Variants in PTPRT observed in about 807,000 individuals in gnomAD.
PTPRT encodes protein tyrosine phosphatase receptor type T, also known as receptor-type tyrosine-protein phosphatase T.
Under a neutral mutation model 176.8 loss-of-function variants are expected in PTPRT, and 56 were observed. That is an observed-to-expected ratio of 0.32 (90% confidence interval 0.26 to 0.40). PTPRT has a LOEUF of 0.40. PTPRT is among the 10% of genes least tolerant of loss of function. The probability of loss-of-function intolerance (pLI) is 1.00; values close to 1 mark genes in which losing one functional copy is unlikely to be tolerated. For missense variants in PTPRT, 1,540 were observed against 1,908.2 expected (o/e 0.81, Z 3.60); for synonymous variants, 783 against 739.0 (o/e 1.06, Z -0.96).
At chr20:42,147,975 T>C (rs569410848) in intron 17 of PTPRT, among the ~76,000 whole-genome samples, 69 of 152,284 alleles carry the variant, frequency 4.5e-4, no homozygotes, top group African/African-American at 1.6e-3. Flanking sequence ...GGGAAAAGTA[T>C]GAAAGAGAGA....
chr20:42,968,922 G>A (rs1475345699), intron 1 of PTPRT: 2 of 152,250 alleles, frequency 1.3e-5, no homozygotes, highest in African/African-American at 4.8e-5. Flanking sequence ...GGCACTTAGA[G>A]AGAAATGAGT....
At chr20:42,315,493 T>G (rs1277625816) in intron 12 of PTPRT, among the ~76,000 whole-genome samples, 1 of 152,162 alleles carries the variant, frequency 6.6e-6, no homozygotes, top group Non-Finnish European at 1.5e-5. Context: ...GAGCATATAG[T>G]CTCTGTTACA....
chr20:43,065,595 A>G (rs1568763002), intron 1 of PTPRT, among the ~76,000 whole-genome samples: 1 of 152,238 alleles, frequency 6.6e-6, no homozygotes, highest in Admixed American at 6.5e-5. Context: ...TAGGAAAATG[A>G]AATTTCCCAG....
At chr20:42,976,905 CTG>C (rs1982989328) in intron 1 of PTPRT, among the ~76,000 whole-genome samples, 1 of 152,162 alleles carries the variant, frequency 6.6e-6, no homozygotes, top group African/African-American at 2.4e-5. Flanking sequence ...TTTTAGAAAA[CTG>C]TCAAACTGAC....
chr20:42,348,785 T>C (rs1370246890), intron 11 of PTPRT, among the ~76,000 whole-genome samples: 1 of 152,174 alleles, frequency 6.6e-6, no homozygotes, highest in Admixed American at 6.5e-5. Context: ...TAGGCCTGCT[T>C]GATTTTTGAG....
At chr20:42,997,816 T>G (rs545228064) in intron 1 of PTPRT, among the ~76,000 whole-genome samples, 1 of 152,172 alleles carries the variant, frequency 6.6e-6, no homozygotes, top group Non-Finnish European at 1.5e-5. Flanking sequence ...ATAAAGGTCA[T>G]GACCAGGATT....
intron 1 of PTPRT, among the ~76,000 whole-genome samples, chr20:42,906,103 G>T (rs2079474434): frequency 6.6e-6 from 1 of 152,068 alleles, no homozygotes; most frequent in Non-Finnish European, 1.5e-5. Flanking sequence ...CGAGACCACA[G>T]CAGGCAGAAA....
intron 17 of PTPRT, among the ~76,000 whole-genome samples, chr20:42,160,876 C>A (rs993190129): frequency 2.0e-5 from 3 of 152,056 alleles, no homozygotes; most frequent in Non-Finnish European, 2.9e-5. Context: ...GAGCGGGGAC[C>A]AGAATACCAC....
intron 1 of PTPRT, among the ~76,000 whole-genome samples, chr20:42,911,330 T>C (rs550800800): frequency 6.6e-6 from 1 of 152,252 alleles, no homozygotes; most frequent in African/African-American, 2.4e-5. Context: ...CTGGCACATT[T>C]TAAGAGCTAA....
At chr20:42,614,764 A>C (rs2074037000) in intron 7 of PTPRT, among the ~76,000 whole-genome samples, 1 of 152,086 alleles carries the variant, frequency 6.6e-6, no homozygotes, top group Admixed American at 6.5e-5. Flanking sequence ...CAATTTACAA[A>C]AGAAAGAGGT....
At chr20:42,704,371 C>G (rs187971268) in intron 6 of PTPRT, among the ~76,000 whole-genome samples, 2 of 151,808 alleles carry the variant, frequency 1.3e-5, no homozygotes, top group Non-Finnish European at 2.9e-5. Flanking sequence ...AAGTCATAAA[C>G]CCAACTTGTT....
intron 19 of PTPRT, among the ~76,000 whole-genome samples, chr20:42,126,087 TC>T (rs1987846983): frequency 6.6e-6 from 1 of 152,018 alleles, no homozygotes; most frequent in Non-Finnish European, 1.5e-5. Context: ...CTGGTTCCCA[TC>T]CTGGTTCTGC....
At chr20:43,115,934 T>C (rs2146349825) in intron 1 of PTPRT, among the ~76,000 whole-genome samples, 1 of 152,312 alleles carries the variant, frequency 6.6e-6, no homozygotes, top group South Asian at 2.1e-4. Flanking sequence ...CATGACTTTG[T>C]CCTCAAATAA....
intron 7 of PTPRT, among the ~76,000 whole-genome samples, chr20:42,676,538 GCTCTCTCT>G (rs55873681): frequency 1.8e-4 from 27 of 148,702 alleles, no homozygotes; most frequent in Non-Finnish European, 2.8e-4. Context: ...TATATACAAT[GCTCTCTCT>G]CTCTCTCTCT....
intron 11 of PTPRT, among the ~76,000 whole-genome samples, chr20:42,341,499 G>A (rs2058111045): frequency 6.6e-6 from 1 of 152,050 alleles, no homozygotes; most frequent in African/African-American, 2.4e-5. Flanking sequence ...GAAATATACA[G>A]CCCTGGTTTT....
intron 9 of PTPRT, among the ~76,000 whole-genome samples, chr20:42,443,776 A>G (rs1016693195): frequency 1.3e-5 from 2 of 152,218 alleles, no homozygotes; most frequent in Non-Finnish European, 2.9e-5. Context: ...ATTACTAAAA[A>G]GAGGGTGTCA....
chr20:42,370,033 T>C (rs2058566745), intron 9 of PTPRT, among the ~76,000 whole-genome samples: 1 of 149,070 alleles, frequency 6.7e-6, no homozygotes, highest in African/African-American at 2.5e-5. Context: ...CCTCTCTCTG[T>C]GTCCAGGTCC....
At chr20:42,053,893 C>T in the PTPRT span, among the ~76,000 whole-genome samples, 14 of 152,018 alleles carry the variant, frequency 9.2e-5, no homozygotes, top group Non-Finnish European at 1.6e-4. Context: ...CGGTGATGTA[C>T]GAAGGTGCTG....
chr20:43,075,065 C>G (rs1296268765), intron 1 of PTPRT, among the ~76,000 whole-genome samples: 1 of 152,220 alleles, frequency 6.6e-6, no homozygotes, highest in Admixed American at 6.5e-5. Context: ...ACATAAACAT[C>G]CAGCCCTTCA....
Sources: gnomAD v4.1 joint callset for allele counts (sites outside exome capture counted in the v4.1 genomes callset) on GRCh38, gnomAD v4.1.1 for gene constraint, MANE v1.5 for transcripts, NCBI Gene and HGNC (gene_info 2026-07-23, HGNC 2026-07-21) for gene names.